Variants in ABI1 observed in about 807,000 individuals in gnomAD.
The protein encoded by ABI1 is abl interactor 1, also known as Abelson interactor 1.
A neutral mutation model predicts 54.6 loss-of-function variants in ABI1; 14 were observed. The ratio of observed to expected loss-of-function variants is 0.26; its 90% CI spans 0.17 to 0.40. The LOEUF is 0.40. Ranked by LOEUF, ABI1 falls within the 10% of genes least tolerant of loss-of-function variation. The pLI, the probability that ABI1 is intolerant of heterozygous loss-of-function variation, is 1.00. For synonymous variants in ABI1, 194 were observed against 209.3 expected, an observed-to-expected ratio of 0.93 and a Z score of 0.63; for missense variants, 443 against 598.3, an observed-to-expected ratio of 0.74 and a Z score of 2.71.
At chr10:26,844,541 T>C (rs1180102829) in intron 1 of ABI1, among the ~76,000 whole-genome samples, 1 of 152,272 alleles carries the variant, frequency 6.6e-6, no homozygotes, top group East Asian at 1.9e-4. Flanking sequence ...TTCCCTTCCC[T>C]GTTCTGCCCA....
At chr10:26,848,780 T>C (rs949696500) in intron 1 of ABI1, among the ~76,000 whole-genome samples, 1 of 152,066 alleles carries the variant, frequency 6.6e-6, no homozygotes, top group African/African-American at 2.4e-5. Context: ...AGCTAATTTT[T>C]GTATTTTTAG....
At chr10:26,804,131 C>G (rs1452180325) in intron 2 of ABI1, among the ~76,000 whole-genome samples, 1 of 151,986 alleles carries the variant, frequency 6.6e-6, no homozygotes, top group Non-Finnish European at 1.5e-5. Context: ...GTCTGTAATC[C>G]CAGCACTTTG....
chr10:26,841,651 T>C (rs1235512458), intron 1 of ABI1, among the ~76,000 whole-genome samples: 1 of 147,348 alleles, frequency 6.8e-6, no homozygotes, highest in African/African-American at 2.7e-5. Context: ...TGACTCTTTT[T>C]TTTTATTTTT....
intron 1 of ABI1, among the ~76,000 whole-genome samples, chr10:26,843,154 T>C (rs2049660499): frequency 6.6e-6 from 1 of 151,452 alleles, no homozygotes; most frequent in South Asian, 2.1e-4. Flanking sequence ...TATCCATAGG[T>C]CAAAATATCT....
At chr10:26,760,476 T>A (rs77540022) in intron 7 of ABI1, among the ~76,000 whole-genome samples, 1,716 of 152,316 alleles carry the variant, frequency 0.011, 33 homozygotes, top group African/African-American at 0.039. Flanking sequence ...AGTCACCAAT[T>A]ATTTGAATCA....
At chr10:26,770,672 A>T in intron 4 of ABI1, 1 of 570,384 alleles carries the variant, frequency 1.8e-6, no homozygotes, top group Admixed American at 2.5e-5. Context: ...AAATGTGTGC[A>T]TGAACACAAA....
At chr10:26,760,078 C>CT (rs200075459) in intron 7 of ABI1, among the ~76,000 whole-genome samples, 4 of 146,992 alleles carry the variant, frequency 2.7e-5, no homozygotes, top group African/African-American at 1.0e-4. Flanking sequence ...AAAGAATCTG[C>CT]TTTTAAAAAA....
intron 7 of ABI1, among the ~76,000 whole-genome samples, chr10:26,763,373 A>C (rs1010192894): frequency 6.6e-6 from 1 of 152,186 alleles, no homozygotes; most frequent in Non-Finnish European, 1.5e-5. Context: ...ATTTAAATGC[A>C]TTTTATCGAG....
intron 1 of ABI1, among the ~76,000 whole-genome samples, chr10:26,831,409 C>T (rs999974630): frequency 3.9e-5 from 6 of 151,924 alleles, no homozygotes; most frequent in Admixed American, 2.0e-4. Context: ...CAGGAGTGGT[C>T]GCAGGCACCT....
At chr10:26,761,619 T>C (rs1383106440) in intron 7 of ABI1, among the ~76,000 whole-genome samples, 4 of 24,462 alleles carry the variant, frequency 1.6e-4, no homozygotes, top group African/African-American at 4.9e-4. Context: ...GTTTTTGTCA[T>C]ATATATATAT....
intron 2 of ABI1, among the ~76,000 whole-genome samples, chr10:26,784,287 C>T (rs1275275323): frequency 6.6e-6 from 1 of 152,212 alleles, no homozygotes; most frequent in Non-Finnish European, 1.5e-5. Context: ...CCACGTGAAA[C>T]ACCTGTCCAT....
chr10:26,834,116 G>A (rs1052606150), intron 1 of ABI1, among the ~76,000 whole-genome samples: 1 of 152,120 alleles, frequency 6.6e-6, no homozygotes, highest in Non-Finnish European at 1.5e-5. Flanking sequence ...TGTAATCCCA[G>A]CTACTCAGGA....
rs7096584 is a variant in ABI1, at chr10:26,777,047, G to A, written c.462+18C>T. Reference sequence around the variant, plus strand: ...TGGATATGCAAATTAGCTTGTTAATGTAATATAAAATGCTTACCTTGACAC... The same window carrying A: ...TGGATATGCAAATTAGCTTGTTAATATAATATAAAATGCTTACCTTGACAC... On this transcript the variant is annotated intron_variant, in intron 3 of 10. Transcript: ENST00000376140. 0.18 allele frequency: 283,132 copies of A among 1,541,460 alleles called. 28,188 individuals carry two copies. The highest frequency in any genetic ancestry group is 0.36 in the African/African-American group (25,594 of 72,008).
chr10:26,827,719 A>G (rs1343447601), intron 1 of ABI1, among the ~76,000 whole-genome samples: 1 of 151,762 alleles, frequency 6.6e-6, no homozygotes, highest in East Asian at 1.9e-4. Context: ...CAGCTTCCCA[A>G]GTAGCTGGGA....
chr10:26,749,563 A>G lies in ABI1; in HGVS notation c.1271-818T>C, dbSNP rs191939455. Among the ~76,000 whole-genome samples the G allele has an allele frequency of 7.7e-4, 117 of 152,274 alleles. 1 individual carries two copies. In the East Asian group the frequency reaches 0.02, roughly 27 times the overall value. On this transcript the variant is annotated intron_variant, in intron 10 of 10. Coordinates refer to ENST00000376140, the MANE Select transcript of ABI1 (RefSeq NM_001012750.3). ...GTCATGTGCCTGCATTTTGATTGTGACCCATCACGTGAGGTCAGGTGTGGA... is the reference window on the plus strand; with the variant it reads ...GTCATGTGCCTGCATTTTGATTGTGGCCCATCACGTGAGGTCAGGTGTGGA...
intron 1 of ABI1, among the ~76,000 whole-genome samples, chr10:26,823,702 G>A (rs1009312458): frequency 2.0e-5 from 3 of 152,138 alleles, no homozygotes; most frequent in Admixed American, 6.5e-5. Flanking sequence ...TTATATTCCT[G>A]TGTCCACTAA....
At chr10:26,767,547 C>T (rs116664058) in intron 6 of ABI1, among the ~76,000 whole-genome samples, 227 of 152,152 alleles carry the variant, frequency 1.5e-3, no homozygotes, top group African/African-American at 5.2e-3. Context: ...GGAAGAAGGT[C>T]GAGGCGATAA....
chr10:26,769,854 A>G (rs1840444867), intron 5 of ABI1, among the ~76,000 whole-genome samples: 1 of 152,216 alleles, frequency 6.6e-6, no homozygotes, highest in Non-Finnish European at 1.5e-5. Context: ...CTGTGGACTA[A>G]GCCATACTAC....
intron 6 of ABI1, among the ~76,000 whole-genome samples, chr10:26,766,735 G>A (rs1265740175): frequency 6.6e-6 from 1 of 151,984 alleles, no homozygotes; most frequent in African/African-American, 2.4e-5. Context: ...GGCAAATTAT[G>A]GCCTGTGGGC....
Sources: gnomAD v4.1 joint callset for allele counts (sites outside exome capture counted in the v4.1 genomes callset) on GRCh38, gnomAD v4.1.1 for gene constraint, MANE v1.5 for transcripts, NCBI Gene and HGNC (gene_info 2026-07-23, HGNC 2026-07-21) for gene names.